The following XKR9 variants were observed in gnomAD, a reference collection of about 807,000 sequenced individuals.
The protein encoded by XKR9 is XK-related protein 9.
In XKR9, 32 loss-of-function variants were observed where a neutral mutation model predicts 32.0. The ratio of observed to expected loss-of-function variants is 1.00; its 90% CI spans 0.76 to 1.34. The LOEUF is 1.34. Ranked by LOEUF, XKR9 falls within the 40% of genes most tolerant of loss-of-function variation. XKR9 has a pLI of 0.00. For missense variants in XKR9, 546 were observed against 429.7 expected (o/e 1.27, Z -2.39); for synonymous variants, 168 against 143.4 (o/e 1.17, Z -1.22).
chr8:70,723,546 G>A (rs1240553444), intron 4 of XKR9, among the ~76,000 whole-genome samples: 4 of 152,130 alleles, frequency 2.6e-5, no homozygotes, highest in Non-Finnish European at 5.9e-5. Context: ...CTGTTTGTTA[G>A]TTTTTTCTTT....
the XKR9 span, among the ~76,000 whole-genome samples, chr8:70,845,305 C>T: frequency 2.0e-5 from 3 of 152,100 alleles, no homozygotes; most frequent in Non-Finnish European, 4.4e-5. Flanking sequence ...CTGTTAAAGT[C>T]AATGCAAAAA....
intron 2 of XKR9, among the ~76,000 whole-genome samples, chr8:70,755,968 T>G (rs182361085): frequency 3.3e-4 from 50 of 152,268 alleles, no homozygotes; most frequent in African/African-American, 1.1e-3. Flanking sequence ...AAAGATTTGC[T>G]CCTATGTTTT....
At chr8:70,765,222 G>T (rs569588647) in intron 2 of XKR9, among the ~76,000 whole-genome samples, 5 of 152,258 alleles carry the variant, frequency 3.3e-5, no homozygotes, top group South Asian at 4.1e-4. Flanking sequence ...GTGTAAAAGC[G>T]TACCTATTTC....
chr8:70,998,777 G>C, the XKR9 span, among the ~76,000 whole-genome samples: 1 of 152,150 alleles, frequency 6.6e-6, no homozygotes, highest in South Asian at 2.1e-4. Context: ...CAGACATTTT[G>C]AGCAACAGGA....
the XKR9 span, among the ~76,000 whole-genome samples, chr8:70,920,804 A>G: frequency 1.3e-5 from 2 of 152,196 alleles, no homozygotes; most frequent in Non-Finnish European, 2.9e-5. Flanking sequence ...TTCTATGACA[A>G]GTAATCCATT....
chr8:71,050,550 G>A, the XKR9 span, among the ~76,000 whole-genome samples: 1 of 152,052 alleles, frequency 6.6e-6, no homozygotes, highest in Non-Finnish European at 1.5e-5. Context: ...TTGGAGTAAG[G>A]TGGAGGAATA....
At chr8:70,903,516 A>G in the XKR9 span, among the ~76,000 whole-genome samples, 8 of 151,786 alleles carry the variant, frequency 5.3e-5, no homozygotes, top group Admixed American at 1.3e-4. Flanking sequence ...TGTATATTTT[A>G]TTCTTCTTTC....
the XKR9 span, among the ~76,000 whole-genome samples, chr8:70,881,019 GA>G: frequency 6.6e-6 from 1 of 152,184 alleles, no homozygotes; most frequent in Admixed American, 6.5e-5. Context: ...AAGCAATGGG[GA>G]AAAGATTCCC....
intron 3 of XKR9, among the ~76,000 whole-genome samples, chr8:70,698,351 T>C (rs1176063098): frequency 6.6e-6 from 1 of 152,180 alleles, no homozygotes; most frequent in Non-Finnish European, 1.5e-5. Flanking sequence ...TACACACTGC[T>C]TTGAATGTGT....
chr8:70,932,497 G>T, the XKR9 span, among the ~76,000 whole-genome samples: 4 of 152,140 alleles, frequency 2.6e-5, no homozygotes, highest in Non-Finnish European at 4.4e-5. Flanking sequence ...GTAGGGAGAA[G>T]TTAATGACAT....
At chr8:70,938,241 A>C in the XKR9 span, among the ~76,000 whole-genome samples, 1 of 151,662 alleles carries the variant, frequency 6.6e-6, no homozygotes, top group South Asian at 2.1e-4. Context: ...CAAAAGAGTG[A>C]GTGTGTGTCC....
At chr8:70,993,341 CT>C in the XKR9 span, among the ~76,000 whole-genome samples, 4 of 152,072 alleles carry the variant, frequency 2.6e-5, no homozygotes, top group African/African-American at 9.7e-5. Flanking sequence ...TGACTTTACT[CT>C]TCTTGTTATT....
At chr8:70,670,051 C>T (rs1043263717) in intron 1 of XKR9, among the ~76,000 whole-genome samples, 3 of 152,126 alleles carry the variant, frequency 2.0e-5, no homozygotes, top group Non-Finnish European at 4.4e-5. Flanking sequence ...AACAAACATC[C>T]GACTTAACGC....
At chr8:70,763,807 G>T (rs1185176275) in intron 2 of XKR9, among the ~76,000 whole-genome samples, 1 of 152,132 alleles carries the variant, frequency 6.6e-6, no homozygotes, top group South Asian at 2.1e-4. Context: ...TTATACCCTG[G>T]CCTTGTTGCT....
At chr8:70,849,533 C>T in the XKR9 span, among the ~76,000 whole-genome samples, 5 of 152,056 alleles carry the variant, frequency 3.3e-5, no homozygotes, top group Non-Finnish European at 7.4e-5. Context: ...AAAATCGACA[C>T]CCTAATATCA....
the XKR9 span, among the ~76,000 whole-genome samples, chr8:70,804,291 G>A: frequency 2.0e-5 from 3 of 152,254 alleles, no homozygotes; most frequent in Non-Finnish European, 2.9e-5. Context: ...AGGAGGCTAC[G>A]CCCTTCCACT....
chr8:70,999,870 A>T, the XKR9 span, among the ~76,000 whole-genome samples: 1 of 152,208 alleles, frequency 6.6e-6, no homozygotes, highest in African/African-American at 2.4e-5. Flanking sequence ...AGTGTACAAC[A>T]CTGCAATGGC....
chr8:70,698,109 A>G (rs1220709955), intron 3 of XKR9, among the ~76,000 whole-genome samples: 35 of 151,800 alleles, frequency 2.3e-4, no homozygotes, highest in Non-Finnish European at 4.0e-4. Context: ...CGGTCTATCA[A>G]TTTTGTTGAT....
At chr8:70,980,224 G>A in the XKR9 span, among the ~76,000 whole-genome samples, 1 of 152,206 alleles carries the variant, frequency 6.6e-6, no homozygotes. Context: ...TCCTGGGTGG[G>A]GTGATGCCCC....
Sources: gnomAD v4.1 joint callset for allele counts (sites outside exome capture counted in the v4.1 genomes callset) on GRCh38, gnomAD v4.1.1 for gene constraint, MANE v1.5 for transcripts, NCBI Gene and HGNC (gene_info 2026-07-23, HGNC 2026-07-21) for gene names.